The following CYFIP2 variants were observed in gnomAD, a reference collection of about 807,000 sequenced individuals.
The protein encoded by CYFIP2 is cytoplasmic FMR1-interacting protein 2.
In CYFIP2, 29 loss-of-function variants were observed where a neutral mutation model predicts 158.7. The ratio of observed to expected loss-of-function variants is 0.18; its 90% CI spans 0.14 to 0.25. The LOEUF is 0.25. CYFIP2 is among the 10% of genes least tolerant of loss of function. The pLI, the probability that CYFIP2 is intolerant of heterozygous loss-of-function variation, is 1.00. For synonymous variants in CYFIP2, 585 were observed against 617.6 expected (o/e 0.95, Z 0.78); for missense variants, 852 against 1,639.5 (o/e 0.52, Z 8.29).
chr5:157,392,542 G>A (rs967295747), intron 30 of CYFIP2, among the ~76,000 whole-genome samples: 6 of 152,168 alleles, frequency 3.9e-5, no homozygotes, highest in South Asian at 2.1e-4. Flanking sequence ...GTGTAATAGT[G>A]TATTTCTGGG....
intron 23 of CYFIP2, chr5:157,342,298 GTAT>G (rs568565635): frequency 1.3e-5 from 2 of 152,620 alleles, no homozygotes; most frequent in Non-Finnish European, 2.9e-5. Context: ...TTAAAGGAAA[GTAT>G]TATTAATAAT....
At chr5:157,346,319 C>T (rs1762687838) in intron 23 of CYFIP2, among the ~76,000 whole-genome samples, 1 of 152,134 alleles carries the variant, frequency 6.6e-6, no homozygotes, top group Non-Finnish European at 1.5e-5. Context: ...AAATACATAT[C>T]CATCCAGAAC....
chr5:157,323,065 C>T lies in CYFIP2; in HGVS notation c.1672-856C>T, dbSNP rs773257568. On this transcript the variant is annotated intron_variant, in intron 15 of 30. Transcript: ENST00000620254. Reference sequence around the variant, plus strand: ...GGTTTGGGTACCCTTCTCGAGGAGGCAGCAGGAATGGACTAGCCTGGCTCC... The same window carrying T: ...GGTTTGGGTACCCTTCTCGAGGAGGTAGCAGGAATGGACTAGCCTGGCTCC... The T allele has an allele frequency of 5.3e-6, 8 of 1,509,942 alleles. No homozygotes were observed. The African/African-American group carries it at 6.9e-5, about 13-fold the overall frequency. 93.5% of individuals were successfully genotyped at this position (1,509,942 alleles called of 1,614,324 possible). A position where few individuals can be genotyped will look rare whatever the true frequency, so the allele number is the denominator to read the frequency against.
At chr5:157,273,454 G>A (rs747193167) in intron 1 of CYFIP2, among the ~76,000 whole-genome samples, 25 of 152,094 alleles carry the variant, frequency 1.6e-4, no homozygotes, top group Non-Finnish European at 2.9e-4. Context: ...CCAGGGTGGG[G>A]CAGCCCCAGG....
chr5:157,315,114 A>G lies in CYFIP2; in HGVS notation c.1356+20A>G. ...GTTGAGGTAGGTGCAGACTCCCTGCATCTCCCTCCCTCCCCAAGGCTGCAG... is the reference window on the plus strand; with the variant it reads ...GTTGAGGTAGGTGCAGACTCCCTGCGTCTCCCTCCCTCCCCAAGGCTGCAG... On this transcript the variant is annotated intron_variant, in intron 13 of 30. Coordinates refer to ENST00000620254, the MANE Select transcript of CYFIP2 (RefSeq NM_001037333.3). 2 of 1,612,798 alleles carry G rather than the reference A, an allele frequency of 1.2e-6. No homozygotes were observed. The highest frequency in any genetic ancestry group is 8.5e-7 in the Non-Finnish European group (1 of 1,179,346).
At chr5:157,342,954 C>T (rs999759227) in intron 23 of CYFIP2, 2 of 1,614,122 alleles carry the variant, frequency 1.2e-6, no homozygotes, top group African/African-American at 2.7e-5. Context: ...GCTTCGGGAT[C>T]CAGTTCAGCT....
At chr5:157,301,183 TG>T (rs1758716582) in intron 6 of CYFIP2, among the ~76,000 whole-genome samples, 1 of 152,182 alleles carries the variant, frequency 6.6e-6, no homozygotes, top group Non-Finnish European at 1.5e-5. Flanking sequence ...TGTTGCCCCA[TG>T]TAATATGGGA....
rs1044401353 is a variant in CYFIP2 at position 157,361,359 on chromosome 5, C to T, written c.2909-109C>T. Reference sequence around the variant, plus strand: ...CAGGTAAGAGGGATGCGTGGTTTGGCTTTTTGCTATCCCAGAGTCAGGTCT... The same window carrying T: ...CAGGTAAGAGGGATGCGTGGTTTGGTTTTTTGCTATCCCAGAGTCAGGTCT... On this transcript the variant is annotated intron_variant, in intron 25 of 30. Transcript: ENST00000620254. The surrounding 1 kb of genome is among the most constrained non-coding windows in gnomAD (Gnocchi z 4.4). 2.0e-6 allele frequency: 3 copies of T among 1,472,070 alleles called. No individual in the cohort carries two copies. The highest frequency in any genetic ancestry group is 1.9e-6 in the Non-Finnish European group (2 of 1,074,630). The allele number at this position is 1,472,070 out of a possible 1,614,324, so 91.2% of individuals were successfully genotyped here.
At chr5:157,362,085 G>A (rs777247873) in intron 26 of CYFIP2, among the ~76,000 whole-genome samples, 1 of 152,244 alleles carries the variant, frequency 6.6e-6, no homozygotes, top group Non-Finnish European at 1.5e-5. Flanking sequence ...GCAGGCTATC[G>A]TCTTGAAGTG....
intron 1 of CYFIP2, among the ~76,000 whole-genome samples, chr5:157,274,457 T>C (rs1186998242): frequency 2.0e-5 from 3 of 152,256 alleles, no homozygotes. Context: ...CATGTGGCTA[T>C]ACAATTTTTT....
chr5:157,391,514 C>T (rs1310933352), intron 30 of CYFIP2, among the ~76,000 whole-genome samples: 2 of 152,178 alleles, frequency 1.3e-5, no homozygotes, highest in African/African-American at 4.8e-5. Context: ...ACTCTAGGTA[C>T]CTCATATAAA....
At chr5:157,303,347 A>G (rs999404345) in intron 7 of CYFIP2, among the ~76,000 whole-genome samples, 11 of 152,236 alleles carry the variant, frequency 7.2e-5, no homozygotes, top group African/African-American at 2.7e-4. Flanking sequence ...CTTAGCATGC[A>G]GATCCTGACA....
chr5:157,387,875 G>T (rs1766853721), intron 28 of CYFIP2, among the ~76,000 whole-genome samples: 1 of 151,988 alleles, frequency 6.6e-6, no homozygotes, highest in Non-Finnish European at 1.5e-5. Context: ...CTTTCAGTTG[G>T]TAGTTGTCAT....
rs1041870256 is a variant in CYFIP2, at chr5:157,325,796, A to T, written c.1982+158A>T. 8 of 799,486 alleles carry T rather than the reference A, an allele frequency of 1.0e-5. No homozygotes were observed. In the East Asian group the frequency reaches 2.3e-4, roughly 23 times the overall value. 49.5% of individuals were successfully genotyped at this position (799,486 alleles called of 1,614,324 possible). The stretch of plus-strand genomic sequence containing the variant: ...GAGCTCAGCCAGACAGAATCATTTA[A>T]TTCAGCCTTGCAGATAAATTCTGAA... On this transcript the variant is annotated intron_variant, in intron 17 of 30. Transcript: ENST00000620254.
In CYFIP2 at chr5:157,394,564, C is replaced by T. The variant is rs1444653631; in HGVS notation, c.*1564C>T. On this transcript the variant is annotated 3_prime_UTR_variant, in exon 31 of 31. Transcript: ENST00000620254. The stretch of plus-strand genomic sequence containing the variant: ...CATTTGAGTGCAGATTCCTGGGCCC[C>T]ACCTCAAACCTACTAATTCTGAATC... The T allele has an allele frequency of 6.6e-6, 1 of 152,166 alleles. No homozygotes were observed. Among genetic ancestry groups the T allele is most frequent in the Admixed American group, 6.5e-5 (1 of 15,284 alleles). The allele number at this position is 152,166 out of a possible 1,614,324, so 9.4% of individuals were successfully genotyped here.
intron 13 of CYFIP2, among the ~76,000 whole-genome samples, chr5:157,315,922 C>T (rs1182786309): frequency 1.3e-5 from 2 of 152,090 alleles, no homozygotes; most frequent in African/African-American, 4.8e-5. Context: ...CCCATCTCTA[C>T]TAAAAATACA....
Position 157,378,613 on chromosome 5 carries a change from C to G in CYFIP2, c.3040-3977C>G, listed in dbSNP as rs369610472. Among the ~76,000 whole-genome samples the G allele has an allele frequency of 7.2e-5, 11 of 152,234 alleles. 1 individual carries two copies. Among genetic ancestry groups the G allele is most frequent in the Admixed American group, 6.5e-4 (10 of 15,294 alleles). ...TGGAGTGGCTCCTGGATCGAAATGTCAGCCTTACTGCTTATTTAAGCATCT... is the reference window on the plus strand; with the variant it reads ...TGGAGTGGCTCCTGGATCGAAATGTGAGCCTTACTGCTTATTTAAGCATCT... On this transcript the variant is annotated intron_variant, in intron 26 of 30. Coordinates refer to ENST00000620254, the MANE Select transcript of CYFIP2 (RefSeq NM_001037333.3).
chr5:157,368,932 T>C (rs1460233191), intron 26 of CYFIP2, among the ~76,000 whole-genome samples: 2 of 148,776 alleles, frequency 1.3e-5, no homozygotes, highest in Non-Finnish European at 3.0e-5. Context: ...AGAGTCTCAC[T>C]CTCTTGCCCA....
chr5:157,293,447 C>T (rs973454637), intron 3 of CYFIP2, among the ~76,000 whole-genome samples: 1 of 152,098 alleles, frequency 6.6e-6, no homozygotes, highest in African/African-American at 2.4e-5. Context: ...TTTTCACGCT[C>T]GTTTTTCATG....
Sources: gnomAD v4.1 joint callset for allele counts (sites outside exome capture counted in the v4.1 genomes callset) on GRCh38, gnomAD v4.1.1 for gene constraint, Gnocchi (gnomAD v3.1) non-coding constraint, MANE v1.5 for transcripts, NCBI Gene and HGNC (gene_info 2026-07-23, HGNC 2026-07-21) for gene names.